The following TIAM1 variants were observed in gnomAD, a reference collection of about 807,000 sequenced individuals.
The protein encoded by TIAM1 is rho guanine nucleotide exchange factor TIAM1.
In TIAM1, 65 loss-of-function variants were observed where a neutral mutation model predicts 163.5. The ratio of observed to expected loss-of-function variants is 0.40; its 90% confidence interval spans 0.33 to 0.49. The LOEUF is 0.49. Among genes scored for constraint, TIAM1 ranks in the 20% least tolerant of loss-of-function variants. TIAM1 has a pLI of 0.77. For synonymous variants in TIAM1, 833 were observed against 810.1 expected, an observed-to-expected ratio of 1.03 and a Z score of -0.48; for missense variants, 1,789 against 2,044.7, an observed-to-expected ratio of 0.87 and a Z score of 2.41.
chr21:31,251,253 A>C (rs1184450441), intron 5 of TIAM1, among the ~76,000 whole-genome samples: 1 of 152,232 alleles, frequency 6.6e-6, no homozygotes, highest in African/African-American at 2.4e-5. Context: ...GTTAACTGTG[A>C]AAAGAGAAAA....
At chr21:31,463,811 C>CAA (rs1201690675) in intron 2 of TIAM1, among the ~76,000 whole-genome samples, 1 of 104,208 alleles carries the variant, frequency 9.6e-6, no homozygotes, top group African/African-American at 4.3e-5. Flanking sequence ...GGCTCCGTCT[C>CAA]CAAAAAAAAA....
rs867826392 is a variant in TIAM1 at position 31,178,497 on chromosome 21, G to A, written c.2887+3924C>T. ...AATTTTTTGTATTTTTAGTAGAGAC[G>A]GGGTTTCACTGTGTTAGCCAGGATG... is the stretch of plus-strand genomic sequence containing the variant. On this transcript the variant is annotated intron_variant, in intron 15 of 27. Coordinates refer to ENST00000541036, the MANE Select transcript of TIAM1 (RefSeq NM_001353694.2). 3.9e-5 allele frequency among the ~76,000 whole-genome samples: 6 copies of A among 151,966 alleles called. No homozygotes were observed. The South Asian group carries it at 6.2e-4, about 16-fold the overall frequency.
At chr21:31,496,264 T>G (rs1242699738) in intron 1 of TIAM1, among the ~76,000 whole-genome samples, 2 of 151,940 alleles carry the variant, frequency 1.3e-5, no homozygotes, top group African/African-American at 2.4e-5. Context: ...CTGAGGCAGG[T>G]GGATTACTTG....
chr21:31,274,638 T>C (rs1044389112), intron 3 of TIAM1, among the ~76,000 whole-genome samples: 1 of 152,190 alleles, frequency 6.6e-6, no homozygotes, highest in African/African-American at 2.4e-5. Flanking sequence ...CCCAGCCCTG[T>C]GGGTCAGCTG....
rs776135388 is a variant in TIAM1, at chr21:31,266,941, T to C, written c.32A>G (p.His11Arg). 5.5e-5 allele frequency: 89 copies of C among 1,609,642 alleles called. No homozygotes were observed. Among genetic ancestry groups the C allele is most frequent in the Non-Finnish European group, 7.2e-5 (85 of 1,176,870 alleles). The change falls in exon 4 of 28, where the codon CAC becomes CGC. Residue 11 changes from histidine to arginine, a missense_variant. His to Arg is a conservative substitution (Grantham distance 29). This residue lies in a region of TIAM1 where 555 missense variants were observed against 564.9 expected (regional missense o/e 0.98). Transcript: ENST00000541036. MGNAESQHVE[H>R]EFYGEKHASL... ...GGCATGCTTTTCTCCATAAAACTCG[T>C]GCTCTACATGTTGACTTTCTGCGTT...
At chr21:31,523,188 G>T (rs865988475) in intron 1 of TIAM1, among the ~76,000 whole-genome samples, 6 of 152,042 alleles carry the variant, frequency 3.9e-5, no homozygotes, top group Admixed American at 2.0e-4. Flanking sequence ...CATTACAAAC[G>T]GTATCAAAGT....
intron 16 of TIAM1, among the ~76,000 whole-genome samples, chr21:31,155,472 A>C (rs2083570802): frequency 6.6e-6 from 1 of 152,164 alleles, no homozygotes; most frequent in African/African-American, 2.4e-5. Flanking sequence ...TTTGTTCCAA[A>C]GCACCACTCA....
chr21:31,209,980 G>A lies in TIAM1; in HGVS notation c.2388+65C>T, dbSNP rs965381658. The A allele has an allele frequency of 5.9e-6, 9 of 1,536,126 alleles. No individual in the cohort carries two copies. In the Admixed American group the frequency reaches 1.2e-4, roughly 20 times the overall value. On this transcript the variant is annotated intron_variant, in intron 11 of 27. Transcript: ENST00000541036. ...CACACGGCTCTGGGTTTCCACATGT[G>A]CCTTAGAAGATTGCTACACCCCATT...
Position 31,154,229 on chromosome 21 carries a change from G to T in TIAM1, c.3171+18C>A. ...TTACGAGGCAGAGGGAGGGCAGGGGGAGAAAAAAGAAACATACCTTCACGT... is the reference window on the plus strand; with the variant it reads ...TTACGAGGCAGAGGGAGGGCAGGGGTAGAAAAAAGAAACATACCTTCACGT... On this transcript the variant is annotated intron_variant, in intron 17 of 27. Coordinates refer to ENST00000541036, the MANE Select transcript of TIAM1 (RefSeq NM_001353694.2). The T allele has an allele frequency of 6.2e-7, 1 of 1,610,718 alleles. No homozygotes were observed. Among genetic ancestry groups the T allele is most frequent in the South Asian group, 1.1e-5 (1 of 90,916 alleles).
upstream of TIAM1, among the ~76,000 whole-genome samples, chr21:31,346,231 C>T (rs2076145513): frequency 6.6e-6 from 1 of 152,158 alleles, no homozygotes; most frequent in African/African-American, 2.4e-5. Flanking sequence ...AGAAGTTTCA[C>T]TATCACCTGT....
intron 22 of TIAM1, among the ~76,000 whole-genome samples, chr21:31,137,202 G>C (rs2082653936): frequency 6.6e-6 from 1 of 152,228 alleles, no homozygotes; most frequent in Non-Finnish European, 1.5e-5. Context: ...ACTGAACACA[G>C]TGCAGTTTGG....
chr21:31,445,935 T>G (rs2044607238), intron 2 of TIAM1, among the ~76,000 whole-genome samples: 1 of 152,108 alleles, frequency 6.6e-6, no homozygotes, highest in South Asian at 2.1e-4. Context: ...GTTTTTATTT[T>G]TATTTTTTAT....
chr21:31,223,805 T>C (rs1055354903), intron 7 of TIAM1, among the ~76,000 whole-genome samples: 2 of 152,210 alleles, frequency 1.3e-5, no homozygotes, highest in African/African-American at 2.4e-5. Flanking sequence ...CAAGTTCCTC[T>C]GTTCCCTCCT....
At chr21:31,278,186 C>T (rs2073388498) in intron 2 of TIAM1, among the ~76,000 whole-genome samples, 1 of 152,124 alleles carries the variant, frequency 6.6e-6, no homozygotes, top group Non-Finnish European at 1.5e-5. Flanking sequence ...AACAGAAGCC[C>T]AAATCACTTA....
chr21:31,469,216 A>C (rs2147368694), intron 1 of TIAM1, among the ~76,000 whole-genome samples: 1 of 150,592 alleles, frequency 6.6e-6, no homozygotes, highest in Middle Eastern at 3.5e-3. Context: ...CCTCCCAAGT[A>C]GCTGGGACTA....
intron 3 of TIAM1, among the ~76,000 whole-genome samples, chr21:31,273,772 T>G (rs2073170545): frequency 6.6e-6 from 1 of 152,240 alleles, no homozygotes; most frequent in Non-Finnish European, 1.5e-5. Context: ...ATCCCAAGGT[T>G]GCCCAGATGT....
intron 2 of TIAM1, among the ~76,000 whole-genome samples, chr21:31,418,629 A>C (rs943350103): frequency 2.0e-5 from 3 of 152,128 alleles, no homozygotes; most frequent in Non-Finnish European, 4.4e-5. Context: ...AGCTATTAGA[A>C]AGGTTAGCAG....
intron 10 of TIAM1, among the ~76,000 whole-genome samples, chr21:31,210,716 AG>A (rs1569033775): frequency 5.5e-5 from 6 of 109,364 alleles, no homozygotes; most frequent in African/African-American, 3.3e-4. Context: ...AGAAAGAAAG[AG>A]AAAGAAAGAA....
At chr21:31,223,677 C>A in intron 7 of TIAM1, 86 bp from the exon 8 acceptor site, 1 of 1,317,054 alleles carries the variant, frequency 7.6e-7, no homozygotes, top group South Asian at 1.9e-5. Context: ...ATCTATATGT[C>A]GTAAAGGCAT....
Sources: allele counts gnomAD v4.1 joint callset (sites outside exome capture counted in the v4.1 genomes callset), GRCh38; gene constraint gnomAD v4.1.1; regional missense constraint gnomAD v4.1.1; transcripts MANE v1.5; gene names NCBI Gene and HGNC (gene_info 2026-07-23, HGNC 2026-07-21).